The following OPCML variants were observed in gnomAD, a reference collection of about 807,000 sequenced individuals.
The protein encoded by OPCML is opioid binding protein/cell adhesion molecule like.
In OPCML, 13 loss-of-function variants were observed where a neutral mutation model predicts 37.8. The ratio of observed to expected loss-of-function variants is 0.34; its 90% CI spans 0.22 to 0.55. The LOEUF (loss-of-function observed/expected upper bound fraction) is 0.55. OPCML is among the 20% of genes least tolerant of loss of function. The pLI is 0.91. For missense variants in OPCML, 341 were observed against 435.6 expected (o/e 0.78, Z 1.93); for synonymous variants, 176 against 168.8 (o/e 1.04, Z -0.33).
At chr11:133,530,344 G>C (rs1948579821) in intron 1 of OPCML, among the ~76,000 whole-genome samples, 1 of 152,216 alleles carries the variant, frequency 6.6e-6, no homozygotes, top group Non-Finnish European at 1.5e-5. Flanking sequence ...CCCCCGCCTT[G>C]CTTTCTAAAG....
intron 1 of OPCML, among the ~76,000 whole-genome samples, chr11:133,352,023 C>T (rs148423373): frequency 1.3e-5 from 2 of 152,282 alleles, no homozygotes; most frequent in Admixed American, 1.3e-4. Context: ...AACTGTTTCT[C>T]AATTGGGTTA....
intron 1 of OPCML, among the ~76,000 whole-genome samples, chr11:133,188,464 T>C (rs2136297310): frequency 6.6e-6 from 1 of 152,164 alleles, no homozygotes; most frequent in East Asian, 1.9e-4. Flanking sequence ...TACAGGTTAA[T>C]TCAAAAAGGA....
chr11:133,516,345 C>A (rs1948271841), intron 1 of OPCML, among the ~76,000 whole-genome samples: 1 of 152,192 alleles, frequency 6.6e-6, no homozygotes, highest in Admixed American at 6.5e-5. Flanking sequence ...GGAGCCGTCA[C>A]AGCCAGGGGC....
At chr11:133,272,426 T>G (rs1386290273) in intron 1 of OPCML, among the ~76,000 whole-genome samples, 1 of 152,156 alleles carries the variant, frequency 6.6e-6, no homozygotes, top group African/African-American at 2.4e-5. Context: ...AAGCACTATA[T>G]TATGAGGCAT....
Position 132,947,053 on chromosome 11 carries a change from G to A in OPCML, c.62-4043C>T, listed in dbSNP as rs894919160. 5.3e-5 allele frequency among the ~76,000 whole-genome samples: 8 copies of A among 152,250 alleles called. 1 individual carries two copies. The South Asian group carries it at 1.5e-3, about 28-fold the overall frequency. ...TGGGTCAGGCTGCCCCTCAAGGCTC[G>A]CAGCTCTGCCACTTGGTTGTAGGGC... is the stretch of plus-strand genomic sequence containing the variant. On this transcript the variant is annotated intron_variant, in intron 1 of 7. Coordinates refer to ENST00000524381, the MANE Select transcript of OPCML (RefSeq NM_001012393.5).
At chr11:133,092,974 T>C (rs1948934409) in intron 1 of OPCML, among the ~76,000 whole-genome samples, 1 of 152,196 alleles carries the variant, frequency 6.6e-6, no homozygotes, top group African/African-American at 2.4e-5. Context: ...AGTGTTCATC[T>C]AATAAACCCC....
chr11:132,943,508 A>G lies in OPCML; in HGVS notation c.62-498T>C. The G allele has an allele frequency of 4.6e-6, 1 of 218,950 alleles. No individual in the cohort carries two copies. The highest frequency in any genetic ancestry group is 9.2e-6 in the Non-Finnish European group (1 of 108,278). The allele number at this position is 218,950 out of a possible 1,614,324, so 13.6% of individuals were successfully genotyped here. A position where few individuals can be genotyped will look rare whatever the true frequency, so the allele number is the denominator to read the frequency against. On this transcript the variant is annotated intron_variant, in intron 1 of 7. Transcript: ENST00000524381. This position sits in a 1 kb window ranked among gnomAD's most constrained non-coding sequence, Gnocchi z 4.3. The stretch of plus-strand genomic sequence containing the variant: ...GGCATCAAAAGTTTATAACCCAAAG[A>G]AGAAGGCAAGTGTCTCTGACATACA...
At chr11:132,520,961 G>T (rs368551016) in intron 4 of OPCML, among the ~76,000 whole-genome samples, 1 of 152,050 alleles carries the variant, frequency 6.6e-6, no homozygotes, top group East Asian at 1.9e-4. Context: ...TTGAGGAATC[G>T]CCATGGTCTT....
intron 3 of OPCML, among the ~76,000 whole-genome samples, chr11:132,641,029 TCTCTCC>T (rs1940823365): frequency 6.6e-6 from 1 of 152,024 alleles, no homozygotes; most frequent in East Asian, 1.9e-4. Flanking sequence ...TATCCTCTGG[TCTCTCC>T]CTCTAAGCAG....
At chr11:132,509,165 T>G (rs2137168412) in intron 4 of OPCML, among the ~76,000 whole-genome samples, 1 of 152,296 alleles carries the variant, frequency 6.6e-6, no homozygotes, top group South Asian at 2.1e-4. Context: ...TTTGTCCTTG[T>G]CCTACAGATT....
rs75029776 is a variant in OPCML at position 132,420,162 on chromosome 11, A to C, written c.*31T>G. On this transcript the variant is annotated 3_prime_UTR_variant, in exon 8 of 8. Transcript: ENST00000524381. ...ATTAAAGTCTGTGATATGGAGAAGCAGGCGTTGCTCAGAGGACCTAGGATT... is the reference window on the plus strand; with the variant it reads ...ATTAAAGTCTGTGATATGGAGAAGCCGGCGTTGCTCAGAGGACCTAGGATT... 18 of 1,591,252 alleles carry C rather than the reference A, an allele frequency of 1.1e-5. No homozygotes were observed. The highest frequency in any genetic ancestry group is 1.6e-5 in the Non-Finnish European group (18 of 1,159,618).
At chr11:133,294,607 T>A (rs1942574389) in intron 1 of OPCML, among the ~76,000 whole-genome samples, 1 of 152,008 alleles carries the variant, frequency 6.6e-6, no homozygotes, top group African/African-American at 2.4e-5. Flanking sequence ...AATTTAGGCA[T>A]CCTGATTCAC....
intron 1 of OPCML, among the ~76,000 whole-genome samples, chr11:133,053,020 C>A (rs1488919983): frequency 6.6e-6 from 1 of 152,224 alleles, no homozygotes; most frequent in Non-Finnish European, 1.5e-5. Context: ...ATTGCAACCA[C>A]AACAGGTCTT....
At chr11:132,989,727 A>T (rs372334473) in intron 1 of OPCML, among the ~76,000 whole-genome samples, 1 of 152,058 alleles carries the variant, frequency 6.6e-6, no homozygotes, top group East Asian at 1.9e-4. Context: ...CAAACATAGA[A>T]TACTGAGAGT....
chr11:132,678,020 C>T (rs1942786270), intron 2 of OPCML, among the ~76,000 whole-genome samples: 1 of 152,050 alleles, frequency 6.6e-6, no homozygotes, highest in Non-Finnish European at 1.5e-5. Flanking sequence ...GGCTGTCATC[C>T]AAAATGTACA....
chr11:133,375,675 T>C (rs931879967), intron 1 of OPCML, among the ~76,000 whole-genome samples: 10 of 152,136 alleles, frequency 6.6e-5, no homozygotes, highest in African/African-American at 2.4e-4. Flanking sequence ...TCTGTCCTTA[T>C]TTGAGCTGCT....
intron 1 of OPCML, among the ~76,000 whole-genome samples, chr11:133,474,270 A>G (rs563399298): frequency 9.2e-5 from 14 of 152,332 alleles, no homozygotes; most frequent in African/African-American, 2.6e-4. Flanking sequence ...GCTATAAAGG[A>G]CCAGAGCCCA....
At chr11:132,933,207 T>C (rs1441581976) in intron 2 of OPCML, among the ~76,000 whole-genome samples, 2 of 152,142 alleles carry the variant, frequency 1.3e-5, no homozygotes, top group Non-Finnish European at 2.9e-5. Context: ...GGTCCATGAA[T>C]CCCTTCATCC....
At chr11:133,028,355 G>A (rs1460364378) in intron 1 of OPCML, among the ~76,000 whole-genome samples, 2 of 152,098 alleles carry the variant, frequency 1.3e-5, no homozygotes. Flanking sequence ...CTCTCCTGAA[G>A]GTAGTTGTCA....
Sources: gnomAD v4.1 joint callset for allele counts (sites outside exome capture counted in the v4.1 genomes callset) on GRCh38, gnomAD v4.1.1 for gene constraint, Gnocchi (gnomAD v3.1) non-coding constraint, MANE v1.5 for transcripts, NCBI Gene and HGNC (gene_info 2026-07-23, HGNC 2026-07-21) for gene names.